The following MAP2K1 variants were observed in gnomAD, a reference collection of about 807,000 sequenced individuals.
MAP2K1 encodes the protein mitogen-activated protein kinase kinase 1.
In MAP2K1, 16 loss-of-function variants were observed where a neutral mutation model predicts 46.3. The ratio of observed to expected loss-of-function variants is 0.35; its 90% CI spans 0.23 to 0.52. MAP2K1 has a LOEUF of 0.52. Among genes scored for constraint, MAP2K1 ranks in the 20% least tolerant of loss-of-function variants. MAP2K1 has a pLI of 0.94. For synonymous variants in MAP2K1, 183 were observed against 185.6 expected (o/e 0.99, Z 0.11); for missense variants, 263 against 497.1 (o/e 0.53, Z 4.48).
chr15:66,394,912 T>A (rs1474187909), intron 1 of MAP2K1, among the ~76,000 whole-genome samples: 1 of 152,224 alleles, frequency 6.6e-6, no homozygotes, highest in African/African-American at 2.4e-5. Flanking sequence ...GGGAAGAACA[T>A]CTCTGCCGCT....
intron 5 of MAP2K1, among the ~76,000 whole-genome samples, chr15:66,463,308 A>C (rs1892377446): frequency 6.6e-6 from 1 of 152,220 alleles, no homozygotes; most frequent in African/African-American, 2.4e-5. Context: ...ACACGAAGGG[A>C]ACATATATGG....
chr15:66,488,195 G>T (rs1335190695), intron 8 of MAP2K1, among the ~76,000 whole-genome samples: 1 of 152,188 alleles, frequency 6.6e-6, no homozygotes, highest in Non-Finnish European at 1.5e-5. Flanking sequence ...TGCTGCCTCT[G>T]GAGGCCAAGC....
At chr15:66,443,059 T>C (rs1488233615) in intron 3 of MAP2K1, among the ~76,000 whole-genome samples, 5 of 150,818 alleles carry the variant, frequency 3.3e-5, no homozygotes, top group Non-Finnish European at 1.5e-5. Flanking sequence ...GAACGCAGCC[T>C]TCTGGGGTTT....
At chr15:66,392,255 GTTTTT>G (rs58831070) in intron 1 of MAP2K1, among the ~76,000 whole-genome samples, 2 of 97,758 alleles carry the variant, frequency 2.0e-5, no homozygotes, top group African/African-American at 9.1e-5. Context: ...TTTTTTTTGG[GTTTTT>G]TTTTTTTTTT....
chr15:66,409,669 A>G (rs769757700), intron 1 of MAP2K1, among the ~76,000 whole-genome samples: 23 of 152,204 alleles, frequency 1.5e-4, no homozygotes, highest in Admixed American at 2.6e-4. Context: ...GGTAAATTCT[A>G]TAACACTCTC....
chr15:66,444,873 C>T lies in MAP2K1; in HGVS notation c.568+166C>T. 4 of 646,982 alleles carry T rather than the reference C, an allele frequency of 6.2e-6. No homozygotes were observed. In the South Asian group the frequency reaches 7.3e-5, roughly 12 times the overall value. The allele number at this position is 646,982 out of a possible 1,614,324, so 40.1% of individuals were successfully genotyped here. A position where few individuals can be genotyped will look rare whatever the true frequency, so the allele number is the denominator to read the frequency against. On this transcript the variant is annotated intron_variant, in intron 5 of 10. Coordinates refer to ENST00000307102, the MANE Select transcript of MAP2K1 (RefSeq NM_002755.4). ...AGTTTGGTGGCTGAGGCAGCAACTC[C>T]TACCCTCTTTTTGGTCTTGCTACAC...
At chr15:66,479,544 C>T (rs999180462) in intron 5 of MAP2K1, among the ~76,000 whole-genome samples, 1 of 152,192 alleles carries the variant, frequency 6.6e-6, no homozygotes, top group African/African-American at 2.4e-5. Flanking sequence ...TGTTCCTTTA[C>T]TGAAGAGCCT....
chr15:66,423,862 C>T (rs1308699754), intron 1 of MAP2K1, among the ~76,000 whole-genome samples: 1 of 152,040 alleles, frequency 6.6e-6, no homozygotes. Context: ...CCACCTTGAC[C>T]TCCCAAAGTG....
chr15:66,421,083 TACACACACATACACACACACACACACAC>T (rs1487991926), intron 1 of MAP2K1, among the ~76,000 whole-genome samples: 4 of 75,506 alleles, frequency 5.3e-5, no homozygotes, highest in African/African-American at 2.4e-4. Context: ...TATATACACA[TACACACACATACACACACACACACACAC>T]ACACACACAC....
intron 1 of MAP2K1, among the ~76,000 whole-genome samples, chr15:66,391,523 C>T (rs1039705328): frequency 6.6e-6 from 1 of 152,146 alleles, no homozygotes; most frequent in Admixed American, 6.5e-5. Flanking sequence ...CTCCTGATCT[C>T]GTGATCCCAA....
At chr15:66,436,187 C>G (rs917424465) in intron 2 of MAP2K1, among the ~76,000 whole-genome samples, 2 of 152,226 alleles carry the variant, frequency 1.3e-5, no homozygotes, top group South Asian at 2.1e-4. Context: ...CATCCATGTT[C>G]TCTGACACTC....
At chr15:66,485,451 T>C (rs1176948349) in intron 7 of MAP2K1, among the ~76,000 whole-genome samples, 1 of 152,196 alleles carries the variant, frequency 6.6e-6, no homozygotes, top group East Asian at 1.9e-4. Flanking sequence ...CCTTTTGTAT[T>C]TATTATTTTT....
chr15:66,447,980 C>G (rs558216005), intron 5 of MAP2K1, among the ~76,000 whole-genome samples: 1 of 151,812 alleles, frequency 6.6e-6, no homozygotes, highest in East Asian at 1.9e-4. Context: ...GTGAAACCCC[C>G]TATCTCTACT....
At chr15:66,448,358 T>G (rs1328717874) in intron 5 of MAP2K1, among the ~76,000 whole-genome samples, 1 of 152,214 alleles carries the variant, frequency 6.6e-6, no homozygotes, top group African/African-American at 2.4e-5. Context: ...TGCTAGACAC[T>G]GGTTCTTAAG....
chr15:66,454,833 A>C (rs960448313), intron 5 of MAP2K1, among the ~76,000 whole-genome samples: 1 of 152,180 alleles, frequency 6.6e-6, no homozygotes, highest in Non-Finnish European at 1.5e-5. Flanking sequence ...CAATGAGCCG[A>C]GATCGTGCCA....
At chr15:66,471,504 C>T (rs1364390950) in intron 5 of MAP2K1, among the ~76,000 whole-genome samples, 1 of 152,152 alleles carries the variant, frequency 6.6e-6, no homozygotes, top group Non-Finnish European at 1.5e-5. Flanking sequence ...CCAGATCTGC[C>T]TAACTTCAGA....
At chr15:66,396,340 A>C (rs1372749987) in intron 1 of MAP2K1, among the ~76,000 whole-genome samples, 1 of 151,314 alleles carries the variant, frequency 6.6e-6, no homozygotes, top group Non-Finnish European at 1.5e-5. Flanking sequence ...GTGCAGTGGC[A>C]TGATCTTGGC....
At position 66,485,197 on chromosome 15, in the gene MAP2K1, T is replaced by C; in HGVS notation, c.895+6T>C. The C allele has an allele frequency of 2.5e-6, 4 of 1,612,702 alleles. No individual in the cohort carries two copies. Among genetic ancestry groups the C allele is most frequent in the Non-Finnish European group, 3.4e-6 (4 of 1,179,430 alleles). On this transcript the variant is annotated splice_donor_region_variant and intron_variant, in intron 7 of 10. Coordinates refer to ENST00000307102, the MANE Select transcript of MAP2K1 (RefSeq NM_002755.4). ...CCCCGGGAGGCCCCTTAGCTGTGAG[T>C]AGCCTGGTGTGTCCCCATCTTGGAC...
chr15:66,439,439 C>T (rs1300913102), intron 3 of MAP2K1, among the ~76,000 whole-genome samples: 1 of 152,092 alleles, frequency 6.6e-6, no homozygotes, highest in East Asian at 1.9e-4. Context: ...CAAGACCAGC[C>T]TGGCCAACAT....
Sources: gnomAD v4.1 joint callset for allele counts (sites outside exome capture counted in the v4.1 genomes callset) on GRCh38, gnomAD v4.1.1 for gene constraint, MANE v1.5 for transcripts, NCBI Gene and HGNC (gene_info 2026-07-23, HGNC 2026-07-21) for gene names.